Variants in OSBPL3 observed in about 807,000 individuals in gnomAD.
OSBPL3 encodes the protein oxysterol binding protein like 3, also known as oxysterol-binding protein-related protein 3.
Under a neutral mutation model 120.1 loss-of-function variants are expected in OSBPL3, and 65 were observed. The observed-to-expected ratio is 0.54, with a 90% confidence interval of 0.44 to 0.67. The LOEUF (loss-of-function observed/expected upper bound fraction) is 0.67. OSBPL3 is among the 30% of genes least tolerant of loss of function. The probability of loss-of-function intolerance (pLI) is 0.00; values close to 1 mark genes in which losing one functional copy is unlikely to be tolerated. For missense variants in OSBPL3, 1,004 were observed against 1,082.1 expected (o/e 0.93, Z 1.01); for synonymous variants, 416 against 402.6 (o/e 1.03, Z -0.40).
Position 24,939,809 on chromosome 7 carries a change from G to T in OSBPL3, c.-150+40077C>A, listed in dbSNP as rs375000303. 6.6e-5 allele frequency among the ~76,000 whole-genome samples: 10 copies of T among 152,148 alleles called. No individual in the cohort carries two copies. Among genetic ancestry groups the T allele is most frequent in the Non-Finnish European group, 1.3e-4 (9 of 68,014 alleles). ...GTCACTGAGAAGGGGGAAAAAATCA[G>T]TAACAGGGGGCTATAACTAAAGTTA... On this transcript the variant is annotated intron_variant, in intron 1 of 22. Coordinates refer to ENST00000313367, the MANE Select transcript of OSBPL3 (RefSeq NM_015550.4). The surrounding 1 kb of genome is among the most constrained non-coding windows in gnomAD (Gnocchi z 4.2).
At position 24,802,948 on chromosome 7, in the gene OSBPL3, G is replaced by A. The variant is rs1465408379; in HGVS notation, c.2567+1367C>T. ...AAATGAAGCTTGAATATTTCAGGAT[G>A]AAATTTTGGCCAGTTGATTTTCCAT... On this transcript the variant is annotated intron_variant, in intron 22 of 22. Coordinates refer to ENST00000313367, the MANE Select transcript of OSBPL3 (RefSeq NM_015550.4). This position sits in a 1 kb window ranked among gnomAD's most constrained non-coding sequence, Gnocchi z 4.1. 1.3e-5 allele frequency among the ~76,000 whole-genome samples: 2 copies of A among 151,908 alleles called. No individual in the cohort carries two copies.
In OSBPL3 at chr7:24,911,678, C is replaced by T. The variant is rs150292133; in HGVS notation, c.-149-19057G>A. ...CCCCAAGATATATTTTGGAGGTATCCTTCCAAAACTGCAGGGGCGATAATA... is the reference window on the plus strand; with the variant it reads ...CCCCAAGATATATTTTGGAGGTATCTTTCCAAAACTGCAGGGGCGATAATA... On this transcript the variant is annotated intron_variant, in intron 1 of 22. Coordinates refer to ENST00000313367, the MANE Select transcript of OSBPL3 (RefSeq NM_015550.4). 5.0e-3 allele frequency among the ~76,000 whole-genome samples: 762 copies of T among 152,200 alleles called. 22 individuals are homozygous for T. The highest frequency in any genetic ancestry group is 0.043 in the Admixed American group (656 of 15,276).
rs1017140193 is a variant in OSBPL3 at position 24,879,748 on chromosome 7, T to C, written c.97-7679A>G. On this transcript the variant is annotated intron_variant, in intron 2 of 22. Transcript: ENST00000313367. The surrounding 1 kb of genome is among the most constrained non-coding windows in gnomAD (Gnocchi z 5.6). ...AGAGAAAAACGCTTTCCAACTGTAT[T>C]GACCACAGACGGATTTATAATTAAA... Among the ~76,000 whole-genome samples the C allele has an allele frequency of 3.9e-5, 6 of 152,216 alleles. No individual in the cohort carries two copies. Among genetic ancestry groups the C allele is most frequent in the Non-Finnish European group, 5.9e-5 (4 of 68,036 alleles).
chr7:24,915,362 T>C (rs1809393765), intron 1 of OSBPL3, among the ~76,000 whole-genome samples: 1 of 152,180 alleles, frequency 6.6e-6, no homozygotes, highest in African/African-American at 2.4e-5. Context: ...AATTCCCCCA[T>C]GGAAGGTGGG....
At chr7:24,816,121 C>T (rs1172292202) in intron 18 of OSBPL3, among the ~76,000 whole-genome samples, 1 of 152,170 alleles carries the variant, frequency 6.6e-6, no homozygotes, top group Non-Finnish European at 1.5e-5. Context: ...CCTCCCCAGG[C>T]TCAAATGATC....
rs1309320420 is a variant in OSBPL3 at position 24,834,189 on chromosome 7, T to A, written c.1746+297A>T. On this transcript the variant is annotated intron_variant, in intron 15 of 22. Coordinates refer to ENST00000313367, the MANE Select transcript of OSBPL3 (RefSeq NM_015550.4). This position sits in a 1 kb window ranked among gnomAD's most constrained non-coding sequence, Gnocchi z 5.2. ...AAGACATGTTTTCCAGCCGGGCACA[T>A]CGGAACAATCAGCCAGAAGGCTTCT... is the stretch of plus-strand genomic sequence containing the variant. 42 of 1,105,276 alleles carry A rather than the reference T, an allele frequency of 3.8e-5. 1 individual carries two copies. Among genetic ancestry groups the A allele is most frequent in the Non-Finnish European group, 4.7e-5 (42 of 898,240 alleles). The allele number at this position is 1,105,276 out of a possible 1,614,324, so 68.5% of individuals were successfully genotyped here.
Position 24,972,516 on chromosome 7 carries a change from C to G in OSBPL3, c.-150+7370G>C, listed in dbSNP as rs2128542333. ...TTTAATGTCTATATCCCCTTCTAGT[C>G]TGTAAGCTCCTTGAAGGGAGGTTCC... On this transcript the variant is annotated intron_variant, in intron 1 of 22. Coordinates refer to ENST00000313367, the MANE Select transcript of OSBPL3 (RefSeq NM_015550.4). This position sits in a 1 kb window ranked among gnomAD's most constrained non-coding sequence, Gnocchi z 4.3. Among the ~76,000 whole-genome samples the G allele has an allele frequency of 6.6e-6, 1 of 152,348 alleles. No individual in the cohort carries two copies. Among genetic ancestry groups the G allele is most frequent in the African/African-American group, 2.4e-5 (1 of 41,578 alleles).
Position 24,972,918 on chromosome 7 carries a change from G to C in OSBPL3, c.-150+6968C>G, listed in dbSNP as rs1817188957. Among the ~76,000 whole-genome samples, 1 of 152,040 alleles carries C rather than the reference G, an allele frequency of 6.6e-6. No homozygotes were observed. The highest frequency in any genetic ancestry group is 1.5e-5 in the Non-Finnish European group (1 of 68,016). On this transcript the variant is annotated intron_variant, in intron 1 of 22. Transcript: ENST00000313367. This position sits in a 1 kb window ranked among gnomAD's most constrained non-coding sequence, Gnocchi z 4.3. ...GATATCAAGACAGGAAACCAGTGTG[G>C]GAATCTTTACAAGTACTACATTTTA...
At chr7:24,903,409 C>A (rs1217019708) in intron 1 of OSBPL3, among the ~76,000 whole-genome samples, 2 of 152,226 alleles carry the variant, frequency 1.3e-5, no homozygotes, top group African/African-American at 4.8e-5. Context: ...TTTTGAAGTT[C>A]ACCGATAGAC....
At position 24,851,548 on chromosome 7, in the gene OSBPL3, A is replaced by G. The variant is rs1215390126; in HGVS notation, c.1158+956T>C. Among the ~76,000 whole-genome samples the G allele has an allele frequency of 6.6e-6, 1 of 152,204 alleles. No homozygotes were observed. The highest frequency in any genetic ancestry group is 1.5e-5 in the Non-Finnish European group (1 of 68,032). On this transcript the variant is annotated intron_variant, in intron 11 of 22. Coordinates refer to ENST00000313367, the MANE Select transcript of OSBPL3 (RefSeq NM_015550.4). This position sits in a 1 kb window ranked among gnomAD's most constrained non-coding sequence, Gnocchi z 4.1. ...ATGCCTGTGTTGGCTTCTGGTTACA[A>G]GATCCTAAAATTTATCTCCCCTACC...
Position 24,959,929 on chromosome 7 carries a change from G to A in OSBPL3, c.-150+19957C>T, listed in dbSNP as rs1231179775. On this transcript the variant is annotated intron_variant, in intron 1 of 22. Coordinates refer to ENST00000313367, the MANE Select transcript of OSBPL3 (RefSeq NM_015550.4). The surrounding 1 kb of genome is among the most constrained non-coding windows in gnomAD (Gnocchi z 4.3). Reference sequence around the variant, plus strand: ...GTCACAAATGGTATTCAAATTTTTTGATTAAGAATAAAGTGAGGTGACCAA... The same window carrying A: ...GTCACAAATGGTATTCAAATTTTTTAATTAAGAATAAAGTGAGGTGACCAA... Among the ~76,000 whole-genome samples the A allele has an allele frequency of 6.6e-6, 1 of 152,112 alleles. No individual in the cohort carries two copies.
In OSBPL3 at chr7:24,877,887, A is replaced by G. The variant is rs1163790319; in HGVS notation, c.97-5818T>C. Among the ~76,000 whole-genome samples, 1 of 152,158 alleles carries G rather than the reference A, an allele frequency of 6.6e-6. No individual in the cohort carries two copies. The highest frequency in any genetic ancestry group is 1.5e-5 in the Non-Finnish European group (1 of 68,028). Reference sequence around the variant, plus strand: ...TGCTGACTTAGCCCAACACGGCTGCACTGATGTCTCATCCTGTGGGGTGTC... The same window carrying G: ...TGCTGACTTAGCCCAACACGGCTGCGCTGATGTCTCATCCTGTGGGGTGTC... On this transcript the variant is annotated intron_variant, in intron 2 of 22. Coordinates refer to ENST00000313367, the MANE Select transcript of OSBPL3 (RefSeq NM_015550.4). This position sits in a 1 kb window ranked among gnomAD's most constrained non-coding sequence, Gnocchi z 4.8.
At chr7:24,945,181 C>T (rs1341458259) in intron 1 of OSBPL3, among the ~76,000 whole-genome samples, 1 of 152,168 alleles carries the variant, frequency 6.6e-6, no homozygotes, top group Non-Finnish European at 1.5e-5. Flanking sequence ...CATTTCTCTT[C>T]CACATGATAA....
rs1812710257 is a variant in OSBPL3, at chr7:24,938,746, G to A, written c.-150+41140C>T. Among the ~76,000 whole-genome samples, 1 of 148,206 alleles carries A rather than the reference G, an allele frequency of 6.7e-6. No individual in the cohort carries two copies. The highest frequency in any genetic ancestry group is 1.5e-5 in the Non-Finnish European group (1 of 67,394). On this transcript the variant is annotated intron_variant, in intron 1 of 22. Coordinates refer to ENST00000313367, the MANE Select transcript of OSBPL3 (RefSeq NM_015550.4). The surrounding 1 kb of genome is among the most constrained non-coding windows in gnomAD (Gnocchi z 5.8). ...CTTAGTCACACGGCCATACCTAGCT[G>A]CAAGGAAAACTGAATAATGAGGTTT...
Position 24,868,266 on chromosome 7 carries a change from G to T in OSBPL3, c.382-2029C>A, listed in dbSNP as rs538118538. 5.8e-4 allele frequency among the ~76,000 whole-genome samples: 87 copies of T among 149,016 alleles called. 1 individual carries two copies. The highest frequency in any genetic ancestry group is 8.2e-4 in the Non-Finnish European group (55 of 67,266). ...TGGGAGGGGGAGGTTGCAATAAGCC[G>T]AGATCACACCACTGCACTCCAGCCT... On this transcript the variant is annotated intron_variant, in intron 5 of 22. Transcript: ENST00000313367.
In OSBPL3 at chr7:24,804,518, C is replaced by G; in HGVS notation, c.2445-81G>C. On this transcript the variant is annotated intron_variant, in intron 21 of 22. Transcript: ENST00000313367. The surrounding 1 kb of genome is among the most constrained non-coding windows in gnomAD (Gnocchi z 5.4). ...TCATTACTACTCAACTTGCATGTGTCCACGACTGGATATTCAAAATCCTCT... is the reference window on the plus strand; with the variant it reads ...TCATTACTACTCAACTTGCATGTGTGCACGACTGGATATTCAAAATCCTCT... The G allele has an allele frequency of 8.2e-6, 11 of 1,344,348 alleles. No individual in the cohort carries two copies. The allele number at this position is 1,344,348 out of a possible 1,614,324, so 83.3% of individuals were successfully genotyped here.
intron 1 of OSBPL3, among the ~76,000 whole-genome samples, chr7:24,917,494 CAG>C (rs1809851212): frequency 7.2e-6 from 1 of 139,278 alleles, no homozygotes; most frequent in Non-Finnish European, 1.5e-5. Flanking sequence ...CACACTTAAA[CAG>C]GGAGTTTCAT....
rs1262865587 is a variant in OSBPL3 at position 24,933,121 on chromosome 7, G to C, written c.-149-40500C>G. On this transcript the variant is annotated intron_variant, in intron 1 of 22. Transcript: ENST00000313367. This position sits in a 1 kb window ranked among gnomAD's most constrained non-coding sequence, Gnocchi z 5.1. ...AGAGTAATAACAGGCCACGCACGCA[G>C]ACGCCTGCAGAACTGGGACCCAGCT... 1.3e-5 allele frequency among the ~76,000 whole-genome samples: 2 copies of C among 152,232 alleles called. No individual in the cohort carries two copies. Among genetic ancestry groups the C allele is most frequent in the Non-Finnish European group, 2.9e-5 (2 of 68,038 alleles).
intron 11 of OSBPL3, among the ~76,000 whole-genome samples, chr7:24,850,819 G>T (rs17150301): frequency 0.029 from 4,445 of 152,248 alleles, 137 homozygotes; most frequent in East Asian, 0.13. Context: ...ATACAGCACC[G>T]ACATACCCAT....
Sources: gnomAD v4.1 joint callset for allele counts (sites outside exome capture counted in the v4.1 genomes callset) on GRCh38, gnomAD v4.1.1 for gene constraint, Gnocchi (gnomAD v3.1) non-coding constraint, MANE v1.5 for transcripts, NCBI Gene and HGNC (gene_info 2026-07-23, HGNC 2026-07-21) for gene names.